Variants in RCSD1 observed in about 807,000 individuals in gnomAD.
RCSD1 encodes the protein capZ-interacting protein.
In RCSD1, 26 loss-of-function variants were observed where a neutral mutation model predicts 42.5. The ratio of observed to expected loss-of-function variants is 0.61; its 90% CI spans 0.45 to 0.85. The LOEUF (loss-of-function observed/expected upper bound fraction) is 0.85, where lower values mean the gene tolerates loss of function less well. Among genes scored for constraint, RCSD1 ranks in the 40% least tolerant of loss-of-function variants. The pLI, the probability that RCSD1 is intolerant of heterozygous loss-of-function variation, is 0.00. For synonymous variants in RCSD1, 220 were observed against 212.2 expected (o/e 1.04, Z -0.32); for missense variants, 571 against 528.3 (o/e 1.08, Z -0.79).
intron 1 of RCSD1, among the ~76,000 whole-genome samples, chr1:167,658,293 A>T (rs776634449): frequency 1.6e-4 from 25 of 152,244 alleles, no homozygotes; most frequent in Admixed American, 9.2e-4. Context: ...ATATGTGTAC[A>T]TAGAGATACA....
intron 1 of RCSD1, among the ~76,000 whole-genome samples, chr1:167,638,118 C>T (rs1190106470): frequency 6.6e-6 from 1 of 152,182 alleles, no homozygotes; most frequent in African/African-American, 2.4e-5. Flanking sequence ...GCTAAATGTA[C>T]GCTTTTCCCA....
intron 1 of RCSD1, among the ~76,000 whole-genome samples, chr1:167,634,252 G>A (rs1657774610): frequency 6.6e-6 from 1 of 152,214 alleles, no homozygotes; most frequent in Non-Finnish European, 1.5e-5. Context: ...GGAACTGTCA[G>A]CCTCCCTAAC....
chr1:167,684,044 G>A, intron 2 of RCSD1, 43 bp downstream of exon 2: 1 of 1,510,084 alleles, frequency 6.6e-7, no homozygotes, highest in Non-Finnish European at 9.2e-7. Flanking sequence ...GCAGCGGGCA[G>A]GAGGAAAGGG....
chr1:167,632,075 G>A (rs1235726767), intron 1 of RCSD1, among the ~76,000 whole-genome samples: 3 of 152,224 alleles, frequency 2.0e-5, no homozygotes, highest in Admixed American at 6.5e-5. Context: ...AGCAGGTGGT[G>A]TGCACACATC....
In RCSD1 at chr1:167,678,323, C is replaced by T. The variant is rs183104127; in HGVS notation, c.7-5577C>T. Among the ~76,000 whole-genome samples, 439 of 152,298 alleles carry T rather than the reference C, an allele frequency of 2.9e-3. 1 individual carries two copies. The highest frequency in any genetic ancestry group is 5.1e-3 in the Non-Finnish European group (345 of 68,024). ...CTCCTGCATTGCATCTCCACTTAGACGTCTAATAGACATGTCAGACTTTCA... is the reference window on the plus strand; with the variant it reads ...CTCCTGCATTGCATCTCCACTTAGATGTCTAATAGACATGTCAGACTTTCA... On this transcript the variant is annotated intron_variant, in intron 1 of 6. Coordinates refer to ENST00000367854, the MANE Select transcript of RCSD1 (RefSeq NM_052862.4).
intron 1 of RCSD1, among the ~76,000 whole-genome samples, chr1:167,651,340 G>A (rs1159711845): frequency 5.3e-5 from 8 of 152,160 alleles, no homozygotes; most frequent in African/African-American, 1.4e-4. Context: ...CTGAACACCC[G>A]ATCTGTACTG....
Position 167,670,831 on chromosome 1 carries a change from A to G in RCSD1, c.7-13069A>G, listed in dbSNP as rs564222148. On this transcript the variant is annotated intron_variant, in intron 1 of 6. Coordinates refer to ENST00000367854, the MANE Select transcript of RCSD1 (RefSeq NM_052862.4). ...ACCCTGCCCCACCCATCAGTCCCCA[A>G]TTCTGGTCAGTCCTTCCTCCTAAAT... Among the ~76,000 whole-genome samples, 6 of 152,044 alleles carry G rather than the reference A, an allele frequency of 3.9e-5. No individual in the cohort carries two copies. The East Asian group carries it at 1.2e-3, about 29-fold the overall frequency.
rs892163959 is a variant in RCSD1 at position 167,707,582 on chromosome 1, CT to C, written c.*2896del. On this transcript the variant is annotated 3_prime_UTR_variant, in exon 7 of 7. Coordinates refer to ENST00000367854, the MANE Select transcript of RCSD1 (RefSeq NM_052862.4). ...TGCTTTCCCTCGTATTGGCCATATT[CT>C]TTTTTTTTTCTTTTTTAAAAACTTA... is the stretch of plus-strand genomic sequence containing the variant. Among the ~76,000 whole-genome samples the C allele has an allele frequency of 5.3e-5, 8 of 149,718 alleles. No homozygotes were observed. Among genetic ancestry groups the C allele is most frequent in the South Asian group, 4.3e-4 (2 of 4,652 alleles).
chr1:167,651,815 A>G (rs991998264), intron 1 of RCSD1, among the ~76,000 whole-genome samples: 3 of 152,098 alleles, frequency 2.0e-5, no homozygotes, highest in African/African-American at 7.2e-5. Flanking sequence ...GGGTGGGATG[A>G]GCCTCTGATA....
At position 167,675,207 on chromosome 1, in the gene RCSD1, G is replaced by GAA. The variant is rs34426324; in HGVS notation, c.7-8669_7-8668dup. 9.2e-3 allele frequency among the ~76,000 whole-genome samples: 454 copies of GAA among 49,094 alleles called. 11 individuals are homozygous for GAA. The highest frequency in any genetic ancestry group is 0.014 in the Middle Eastern group (1 of 74). The allele number at this position is 49,094 out of a possible 152,430, so 32.2% of individuals were successfully genotyped here. ...GGTGACAGAATGAGACTCCATCTCG[G>GAA]AAAAAAAAAAAAAAAAAAAAAAAAA... On this transcript the variant is annotated intron_variant, in intron 1 of 6. Transcript: ENST00000367854.
Position 167,694,117 on chromosome 1 carries a change from C to T in RCSD1, c.289C>T (p.Pro97Ser). 1 of 1,614,162 alleles carries T rather than the reference C, an allele frequency of 6.2e-7. No homozygotes were observed. The highest frequency in any genetic ancestry group is 8.5e-7 in the Non-Finnish European group (1 of 1,180,028). ...EKLQANLTFDPAALLPGASPK... is the reference protein window; with the variant it reads ...EKLQANLTFDSAALLPGASPK... ...TTGACAGGCCAATTTAACCTTTGAC[C>T]CAGCTGCTCTACTGCCTGGGGCCTC... The change falls in exon 5 of 7, where the codon CCA becomes TCA. Residue 97 changes from proline (P) to serine (S), a missense_variant. Coordinates refer to ENST00000367854, the MANE Select transcript of RCSD1 (RefSeq NM_052862.4).
Position 167,668,083 on chromosome 1 carries a change from G to T in RCSD1, c.7-15817G>T, listed in dbSNP as rs112738695. 2.0e-5 allele frequency among the ~76,000 whole-genome samples: 3 copies of T among 152,060 alleles called. 1 individual carries two copies. Among genetic ancestry groups the T allele is most frequent in the Non-Finnish European group, 1.5e-5 (1 of 68,004 alleles). On this transcript the variant is annotated intron_variant, in intron 1 of 6. Transcript: ENST00000367854. ...AGGCGGATGGATCACCTGAGGTCAGGAGTTCAAAACCAGCCTGGCCAACAT... is the reference window on the plus strand; with the variant it reads ...AGGCGGATGGATCACCTGAGGTCAGTAGTTCAAAACCAGCCTGGCCAACAT...
intron 3 of RCSD1, among the ~76,000 whole-genome samples, chr1:167,689,242 C>G (rs1659313057): frequency 6.6e-6 from 1 of 152,122 alleles, no homozygotes; most frequent in Non-Finnish European, 1.5e-5. Context: ...AATCCCAGCA[C>G]TTTGGGAGGT....
chr1:167,655,555 C>A (rs34071718), intron 1 of RCSD1, among the ~76,000 whole-genome samples: 9,500 of 152,214 alleles, frequency 0.062, 333 homozygotes, highest in African/African-American at 0.098. Flanking sequence ...CAAACCCCCT[C>A]TGGGCAAGGT....
At chr1:167,664,056 C>T (rs1571687465) in intron 1 of RCSD1, 2 of 152,368 alleles carry the variant, frequency 1.3e-5, no homozygotes, top group Admixed American at 1.3e-4. Context: ...ACTGTCTAAT[C>T]AAACACCATC....
At chr1:167,701,930 T>C (rs906447649) in intron 6 of RCSD1, among the ~76,000 whole-genome samples, 5 of 152,178 alleles carry the variant, frequency 3.3e-5, no homozygotes, top group Admixed American at 1.3e-4. Flanking sequence ...CCCAGGTCTT[T>C]CCTGGATCCC....
chr1:167,672,362 T>A (rs1658830409), intron 1 of RCSD1, among the ~76,000 whole-genome samples: 1 of 152,220 alleles, frequency 6.6e-6, no homozygotes, highest in African/African-American at 2.4e-5. Context: ...TCCACCAACT[T>A]AGTGGCTTGC....
chr1:167,685,817 G>C (rs1659220758), intron 3 of RCSD1, among the ~76,000 whole-genome samples: 2 of 152,188 alleles, frequency 1.3e-5, no homozygotes, highest in Admixed American at 6.5e-5. Context: ...ACCCAATTCA[G>C]GAGCCAGGAA....
At chr1:167,662,331 G>A (rs1280466988) in intron 1 of RCSD1, among the ~76,000 whole-genome samples, 1 of 152,192 alleles carries the variant, frequency 6.6e-6, no homozygotes, top group Non-Finnish European at 1.5e-5. Context: ...GGGGTGCTGG[G>A]GGATTGGGGT....
Sources: allele counts gnomAD v4.1 joint callset (sites outside exome capture counted in the v4.1 genomes callset), GRCh38; gene constraint gnomAD v4.1.1; transcripts MANE v1.5; gene names NCBI Gene and HGNC (gene_info 2026-07-23, HGNC 2026-07-21).